The following FOXN3 variants were observed in gnomAD, a reference collection of about 807,000 sequenced individuals.
FOXN3 encodes forkhead box protein N3.
Under a neutral mutation model 38.4 loss-of-function variants are expected in FOXN3, and 7 were observed. The observed-to-expected ratio is 0.18, with a 90% CI of 0.10 to 0.34. The LOEUF (loss-of-function observed/expected upper bound fraction) is 0.34, where lower values mean the gene tolerates loss of function less well. FOXN3 is among the 10% of genes least tolerant of loss of function. The probability of loss-of-function intolerance (pLI) is 1.00; values close to 1 mark genes in which losing one functional copy is unlikely to be tolerated. For synonymous variants in FOXN3, 230 were observed against 242.2 expected, an observed-to-expected ratio of 0.95 and a Z score of 0.47; for missense variants, 456 against 613.4, an observed-to-expected ratio of 0.74 and a Z score of 2.71.
At chr14:89,240,571 TA>T (rs937113990) in intron 4 of FOXN3, among the ~76,000 whole-genome samples, 111 of 152,068 alleles carry the variant, frequency 7.3e-4, no homozygotes, top group Middle Eastern at 6.8e-3. Context: ...AGCTACATGA[TA>T]AAAAAAAGTC....
rs553699424 is a variant in FOXN3 at position 89,244,862 on chromosome 14, C to A, written c.745+36088G>T. Among the ~76,000 whole-genome samples the A allele has an allele frequency of 3.3e-5, 5 of 152,302 alleles. No homozygotes were observed. The South Asian group carries it at 8.3e-4, about 25-fold the overall frequency. ...CATCAAATTTTCTTTTTGCACTGGGCACCTGTGCGTTCATTTCCTTCAACT... is the reference window on the plus strand; with the variant it reads ...CATCAAATTTTCTTTTTGCACTGGGAACCTGTGCGTTCATTTCCTTCAACT... On this transcript the variant is annotated intron_variant, in intron 4 of 5. Transcript: ENST00000557258.
At chr14:89,476,870 C>T (rs1893222649) in intron 1 of FOXN3, among the ~76,000 whole-genome samples, 1 of 152,140 alleles carries the variant, frequency 6.6e-6, no homozygotes, top group Non-Finnish European at 1.5e-5. Flanking sequence ...AAGCCACTGT[C>T]TTCAGACCTG....
At chr14:89,234,566 G>A (rs1884922269) in intron 4 of FOXN3, among the ~76,000 whole-genome samples, 1 of 152,012 alleles carries the variant, frequency 6.6e-6, no homozygotes, top group Admixed American at 6.5e-5. Context: ...CTGTCCTTGT[G>A]ACAGTAAGTG....
chr14:89,450,559 GA>G (rs35089931), intron 1 of FOXN3, among the ~76,000 whole-genome samples: 67,796 of 150,364 alleles, frequency 0.45, 15,307 homozygotes, highest in African/African-American at 0.5. Context: ...TTCCAGCTCA[GA>G]AAAAAATAAC....
At chr14:89,437,417 T>A (rs1044770597) in intron 1 of FOXN3, among the ~76,000 whole-genome samples, 14 of 152,200 alleles carry the variant, frequency 9.2e-5, no homozygotes, top group African/African-American at 3.4e-4. Flanking sequence ...ATCTCAACCT[T>A]ACATCCCCAA....
At position 89,308,173 on chromosome 14, in the gene FOXN3, G is replaced by A. The variant is rs180830998; in HGVS notation, c.681-27159C>T. ...CCAGCTACTCGGGAGGCTGAGGCAC[G>A]AGAATCATTTGAACCTGGGAGGTGA... On this transcript the variant is annotated intron_variant, in intron 3 of 5. Transcript: ENST00000557258. 1.6e-3 allele frequency among the ~76,000 whole-genome samples: 251 copies of A among 152,318 alleles called. 8 individuals carry two copies. Among genetic ancestry groups the A allele is most frequent in the Admixed American group, 0.016 (247 of 15,298 alleles).
At chr14:89,281,993 T>C (rs1886479126) in intron 3 of FOXN3, among the ~76,000 whole-genome samples, 1 of 152,134 alleles carries the variant, frequency 6.6e-6, no homozygotes, top group African/African-American at 2.4e-5. Context: ...CACAGAAGAA[T>C]CTGAAGGGCT....
intron 2 of FOXN3, among the ~76,000 whole-genome samples, chr14:89,407,014 A>C (rs1232303269): frequency 2.0e-5 from 3 of 147,418 alleles, no homozygotes; most frequent in Admixed American, 6.7e-5. Flanking sequence ...AAAAAAAAAA[A>C]AACTAATGAG....
intron 1 of FOXN3, among the ~76,000 whole-genome samples, chr14:89,545,379 G>A (rs1201330360): frequency 6.6e-6 from 1 of 152,168 alleles, no homozygotes; most frequent in South Asian, 2.1e-4. Flanking sequence ...ACGAGCAATC[G>A]TGCCCACATG....
intron 4 of FOXN3, among the ~76,000 whole-genome samples, chr14:89,217,121 G>A (rs987480658): frequency 2.7e-5 from 4 of 148,554 alleles, no homozygotes; most frequent in African/African-American, 9.9e-5. Context: ...ACAAGGGTGT[G>A]AGATCTCAAA....
At chr14:89,402,454 T>C (rs980457755) in intron 2 of FOXN3, among the ~76,000 whole-genome samples, 2 of 152,198 alleles carry the variant, frequency 1.3e-5, no homozygotes, top group Non-Finnish European at 2.9e-5. Context: ...ATCTAGACCT[T>C]TGTGACAGAA....
At chr14:89,436,527 G>A (rs1010760941) in intron 1 of FOXN3, among the ~76,000 whole-genome samples, 45 of 152,114 alleles carry the variant, frequency 3.0e-4, no homozygotes, top group Admixed American at 2.9e-3. Context: ...TGGTCTGGGT[G>A]GGACTGACCC....
intron 1 of FOXN3, among the ~76,000 whole-genome samples, chr14:89,545,519 C>A (rs1238216263): frequency 6.6e-6 from 1 of 152,224 alleles, no homozygotes; most frequent in African/African-American, 2.4e-5. Context: ...CCCCAGCTCC[C>A]AGTCCATTAC....
chr14:89,344,309 A>AAC (rs1888705077), intron 3 of FOXN3, among the ~76,000 whole-genome samples: 1 of 151,986 alleles, frequency 6.6e-6, no homozygotes, highest in Admixed American at 6.6e-5. Flanking sequence ...CTGACCATCT[A>AAC]ACACCCAATC....
chr14:89,555,835 CATG>C (rs1895103719), intron 1 of FOXN3, among the ~76,000 whole-genome samples: 1 of 66,976 alleles, frequency 1.5e-5, no homozygotes, highest in Admixed American at 1.8e-4. Context: ...CCTTCTAGTT[CATG>C]GTGTGTGTGT....
chr14:89,508,536 C>T (rs1488331098), intron 1 of FOXN3, among the ~76,000 whole-genome samples: 1 of 152,136 alleles, frequency 6.6e-6, no homozygotes, highest in African/African-American at 2.4e-5. Flanking sequence ...TCAGAAAAGC[C>T]GAAGAGCTTG....
chr14:89,292,639 G>A (rs1405593022), intron 3 of FOXN3, among the ~76,000 whole-genome samples: 1 of 152,154 alleles, frequency 6.6e-6, no homozygotes, highest in Non-Finnish European at 1.5e-5. Flanking sequence ...CCTCTCCTCT[G>A]GAGGGTACAG....
chr14:89,256,764 G>A (rs891238258), intron 4 of FOXN3, among the ~76,000 whole-genome samples: 6 of 152,172 alleles, frequency 3.9e-5, no homozygotes, highest in African/African-American at 1.4e-4. Flanking sequence ...CTGCAAAGCT[G>A]CCTCTTCTTG....
chr14:89,181,603 G>C (rs1033047323), intron 4 of FOXN3, among the ~76,000 whole-genome samples: 2 of 152,134 alleles, frequency 1.3e-5, no homozygotes, highest in South Asian at 2.1e-4. Context: ...CTAAACACAC[G>C]CATCCCTGGA....
Sources: gnomAD v4.1 joint callset for allele counts (sites outside exome capture counted in the v4.1 genomes callset) on GRCh38, gnomAD v4.1.1 for gene constraint, MANE v1.5 for transcripts, NCBI Gene and HGNC (gene_info 2026-07-23, HGNC 2026-07-21) for gene names.